The following SYT3 variants were observed in gnomAD, a reference collection of about 807,000 sequenced individuals.
SYT3 encodes synaptotagmin 3.
In SYT3, 25 loss-of-function variants were observed where a neutral mutation model predicts 50.6. The ratio of observed to expected loss-of-function variants is 0.49; its 90% CI spans 0.36 to 0.69. The LOEUF (loss-of-function observed/expected upper bound fraction) is 0.69, where lower values mean the gene tolerates loss of function less well. SYT3 is among the 30% of genes least tolerant of loss of function. The pLI is 0.00. For missense variants in SYT3, 589 were observed against 793.6 expected, an observed-to-expected ratio of 0.74 and a Z score of 3.10; for synonymous variants, 323 against 353.9, an observed-to-expected ratio of 0.91 and a Z score of 0.98.
At chr19:50,622,603 C>A (rs1983891132) in intron 10 of SYT3, 84 bp downstream of exon 10, 1 of 962,764 alleles carries the variant, frequency 1.0e-6, no homozygotes, top group Non-Finnish European at 1.7e-6. Flanking sequence ...TCCCTCAGAC[C>A]CAGGAGTCCA....
In SYT3 at chr19:50,637,677, T is replaced by C. The variant is rs1327482559; in HGVS notation, c.-15-251A>G. 2 of 395,020 alleles carry C rather than the reference T, an allele frequency of 5.1e-6. No individual in the cohort carries two copies. The highest frequency in any genetic ancestry group is 9.3e-6 in the Non-Finnish European group (2 of 214,666). The allele number at this position is 395,020 out of a possible 1,614,324, so 24.5% of individuals were successfully genotyped here. On this transcript the variant is annotated intron_variant, in intron 2 of 10. Transcript: ENST00000600079. This position sits in a 1 kb window ranked among gnomAD's most constrained non-coding sequence, Gnocchi z 4.9. ...AGAGGGCAGAAATTAGGGATGGAGATAGTAGCAGGGACTGGGTAAGTCAAG... is the reference window on the plus strand; with the variant it reads ...AGAGGGCAGAAATTAGGGATGGAGACAGTAGCAGGGACTGGGTAAGTCAAG...
At chr19:50,627,352 G>A (rs112330017) in intron 6 of SYT3, among the ~76,000 whole-genome samples, 2,247 of 152,274 alleles carry the variant, frequency 0.015, 31 homozygotes, top group South Asian at 0.02. Context: ...CACAAGGCCC[G>A]ACCATCTAGA....
intron 9 of SYT3, among the ~76,000 whole-genome samples, chr19:50,624,331 C>A (rs1485517534): frequency 6.6e-6 from 1 of 152,112 alleles, no homozygotes; most frequent in Non-Finnish European, 1.5e-5. Context: ...TTGAAAAATA[C>A]TGAAAAATGA....
intron 4 of SYT3, among the ~76,000 whole-genome samples, chr19:50,631,547 C>T (rs1305687478): frequency 1.3e-5 from 2 of 152,114 alleles, no homozygotes; most frequent in Admixed American, 1.3e-4. Context: ...TGTGGGCTGT[C>T]CTCACAATGC....
At position 50,623,428 on chromosome 19, in the gene SYT3, C is replaced by T. The variant is rs140789856; in HGVS notation, c.1708-673G>A. Among the ~76,000 whole-genome samples, 3 of 152,022 alleles carry T rather than the reference C, an allele frequency of 2.0e-5. No individual in the cohort carries two copies. In the East Asian group the frequency reaches 5.8e-4, roughly 29 times the overall value. On this transcript the variant is annotated intron_variant, in intron 9 of 10. Coordinates refer to ENST00000600079, the MANE Select transcript of SYT3 (RefSeq NM_001160329.2). ...ATCTGGTGATGTGGTGAAAGTTTCA[C>T]CCAGTACTAAATGTAAATGTGTGCC...
At chr19:50,652,862 T>C in the SYT3 span, among the ~76,000 whole-genome samples, 1 of 151,998 alleles carries the variant, frequency 6.6e-6, no homozygotes, top group Admixed American at 6.6e-5. Flanking sequence ...CTGGGGAGAT[T>C]GAGAACACGC....
chr19:50,622,374 C>T lies in SYT3; in HGVS notation c.*111G>A, dbSNP rs1455223554. 6 of 253,246 alleles carry T rather than the reference C, an allele frequency of 2.4e-5. No homozygotes were observed. The highest frequency in any genetic ancestry group is 1.4e-4 in the South Asian group (2 of 14,042). The allele number at this position is 253,246 out of a possible 1,614,324, so 15.7% of individuals were successfully genotyped here. A position where few individuals can be genotyped will look rare whatever the true frequency, so the allele number is the denominator to read the frequency against. On this transcript the variant is annotated 3_prime_UTR_variant, in exon 11 of 11. Coordinates refer to ENST00000600079, the MANE Select transcript of SYT3 (RefSeq NM_001160329.2). Reference sequence around the variant, plus strand: ...AGGAAGCCTAGGGCCAGGGCTGCCCCGCACCAGCAGCTCGGACGTTATGGC... The same window carrying T: ...AGGAAGCCTAGGGCCAGGGCTGCCCTGCACCAGCAGCTCGGACGTTATGGC...
At chr19:50,644,970 T>A in the SYT3 span, among the ~76,000 whole-genome samples, 1 of 152,204 alleles carries the variant, frequency 6.6e-6, no homozygotes, top group Admixed American at 6.5e-5. Flanking sequence ...ACTGATTGAA[T>A]GAGTTTTCAC....
the SYT3 span, among the ~76,000 whole-genome samples, chr19:50,650,069 C>T: frequency 6.6e-6 from 1 of 152,152 alleles, no homozygotes; most frequent in South Asian, 2.1e-4. Flanking sequence ...CCTCCCTGGT[C>T]CCCAGTTTCT....
upstream of SYT3, among the ~76,000 whole-genome samples, chr19:50,640,090 C>T (rs1984633831): frequency 6.6e-6 from 1 of 152,200 alleles, no homozygotes; most frequent in Non-Finnish European, 1.5e-5. Context: ...GCCCAGTTCT[C>T]CGCCCCGCTA....
chr19:50,650,654 G>A, the SYT3 span, among the ~76,000 whole-genome samples: 6 of 152,188 alleles, frequency 3.9e-5, no homozygotes, highest in African/African-American at 7.2e-5. Context: ...CTGGGTGATG[G>A]AGGGAGACTC....
chr19:50,637,396 C>G lies in SYT3; in HGVS notation c.16G>C (p.Glu6Gln). MSGDY[E>Q]DDLCRRALIL... ...AGTGCCCGCCGGCAGAGGTCATCCT[C>G]GTAGTCTCCTGACATGGTGGCCGTC... The change falls in exon 3 of 11, where the codon GAG becomes CAG. Residue 6 changes from glutamate (E) to glutamine (Q), a missense_variant. By Grantham distance (29) the Glu-to-Gln change is conservative. Around this residue, in one of 2 missense-constraint regions of SYT3, gnomAD observed 316 missense variants for 354.3 expected, o/e 0.89. Transcript: ENST00000600079. The surrounding 1 kb of genome is among the most constrained non-coding windows in gnomAD (Gnocchi z 4.9). 6.2e-7 allele frequency: 1 copy of G among 1,605,036 alleles called. No homozygotes were observed. The highest frequency in any genetic ancestry group is 8.5e-7 in the Non-Finnish European group (1 of 1,175,436).
chr19:50,629,518 G>A lies in SYT3; in HGVS notation c.1063-6C>T, dbSNP rs748986041. On this transcript the variant is annotated splice_polypyrimidine_tract_variant and splice_region_variant and intron_variant, in intron 5 of 10. Transcript: ENST00000600079. ...TTCAGGGTCTTCCTGTGCACCTGGT[G>A]GTGGTGGGCGACAGGAGACAGACAC... 6.2e-7 allele frequency: 1 copy of A among 1,611,436 alleles called. No individual in the cohort carries two copies. The highest frequency in any genetic ancestry group is 1.1e-5 in the South Asian group (1 of 90,666).
chr19:50,643,769 G>A (rs1040535998), upstream of SYT3, among the ~76,000 whole-genome samples: 5 of 152,014 alleles, frequency 3.3e-5, no homozygotes, highest in Non-Finnish European at 5.9e-5. Context: ...TTCCAGGGTT[G>A]GAAGAGCTCA....
At chr19:50,642,352 C>T (rs1000311351), upstream of SYT3, among the ~76,000 whole-genome samples, 11 of 152,234 alleles carry the variant, frequency 7.2e-5, no homozygotes, top group African/African-American at 2.2e-4. Context: ...AAGAGACGCT[C>T]GGATTCCGAG....
upstream of SYT3, among the ~76,000 whole-genome samples, chr19:50,640,164 C>T (rs997899665): frequency 2.6e-5 from 4 of 152,170 alleles, no homozygotes; most frequent in African/African-American, 7.2e-5. Context: ...GACTTCAGGC[C>T]CTCCAACCTG....
chr19:50,633,921 G>A (rs923860168), intron 3 of SYT3, among the ~76,000 whole-genome samples: 1 of 152,158 alleles, frequency 6.6e-6, no homozygotes, highest in Non-Finnish European at 1.5e-5. Flanking sequence ...CAGAGCCCAT[G>A]GTCTTTACTA....
At chr19:50,653,734 AC>A in the SYT3 span, among the ~76,000 whole-genome samples, 1 of 116,818 alleles carries the variant, frequency 8.6e-6, no homozygotes, top group Non-Finnish European at 1.8e-5. Context: ...ACACACACAC[AC>A]ACACACGTTG....
intron 3 of SYT3, among the ~76,000 whole-genome samples, chr19:50,633,472 A>T (rs899553397): frequency 6.6e-6 from 1 of 152,218 alleles, no homozygotes; most frequent in South Asian, 2.1e-4. Context: ...GTGAGGTAGC[A>T]CCAAGGTCCT....
Sources: gnomAD v4.1 joint callset for allele counts (sites outside exome capture counted in the v4.1 genomes callset) on GRCh38, gnomAD v4.1.1 for gene constraint, gnomAD v4.1.1 regional missense constraint, Gnocchi (gnomAD v3.1) non-coding constraint, MANE v1.5 for transcripts, NCBI Gene and HGNC (gene_info 2026-07-23, HGNC 2026-07-21) for gene names.